Variants in SAAL1 observed in about 807,000 individuals in gnomAD.
The protein encoded by SAAL1 is protein SAAL1.
Under a neutral mutation model 59.8 loss-of-function variants are expected in SAAL1, and 42 were observed. The observed-to-expected ratio is 0.70, with a 90% CI of 0.55 to 0.91. SAAL1 has a LOEUF of 0.91. SAAL1 is among the 40% of genes least tolerant of loss of function. The probability of loss-of-function intolerance (pLI) is 0.00; values close to 1 mark genes in which losing one functional copy is unlikely to be tolerated. For synonymous variants in SAAL1, 191 were observed against 194.3 expected (o/e 0.98, Z 0.14); for missense variants, 542 against 561.1 (o/e 0.97, Z 0.34).
At chr11:18,105,006 T>G (rs1284184623) in intron 1 of SAAL1, among the ~76,000 whole-genome samples, 1 of 152,176 alleles carries the variant, frequency 6.6e-6, no homozygotes, top group Non-Finnish European at 1.5e-5. Context: ...CAGCCTCCTA[T>G]AAGCCAAACA....
chr11:18,089,238 T>A, intron 7 of SAAL1, 92 bp downstream of exon 7: 1 of 1,109,982 alleles, frequency 9.0e-7, no homozygotes, highest in Non-Finnish European at 1.3e-6. Context: ...TACTTTATTC[T>A]GTTGTAAGGA....
chr11:18,090,683 C>T (rs1848515104), intron 4 of SAAL1, 190 bp from the exon 5 acceptor site: 1 of 566,424 alleles, frequency 1.8e-6, no homozygotes, highest in Non-Finnish European at 2.9e-6. Flanking sequence ...CAGAACAGAG[C>T]TGCATCTTTG....
intron 1 of SAAL1, among the ~76,000 whole-genome samples, chr11:18,105,462 C>T (rs1848679177): frequency 6.6e-6 from 1 of 151,892 alleles, no homozygotes; most frequent in Admixed American, 6.6e-5. Flanking sequence ...GGTGAGCCAC[C>T]GCGCCTGGTC....
At chr11:18,081,993 CG>C (rs1848416008) in intron 10 of SAAL1, among the ~76,000 whole-genome samples, 1 of 152,144 alleles carries the variant, frequency 6.6e-6, no homozygotes. Flanking sequence ...CTAAACTGAT[CG>C]TATCACTTGG....
At chr11:18,102,258 A>C (rs571125791) in intron 2 of SAAL1, among the ~76,000 whole-genome samples, 1 of 152,036 alleles carries the variant, frequency 6.6e-6, no homozygotes, top group Non-Finnish European at 1.5e-5. Context: ...AAAAATTCGC[A>C]GGGATTGGTG....
intron 3 of SAAL1, among the ~76,000 whole-genome samples, chr11:18,094,465 T>G (rs955117057): frequency 6.6e-6 from 1 of 152,096 alleles, no homozygotes; most frequent in African/African-American, 2.4e-5. Context: ...CTGTAGAGCG[T>G]GCAAGCAGAG....
chr11:18,088,306 T>C (rs910704642), intron 7 of SAAL1, among the ~76,000 whole-genome samples: 4 of 152,234 alleles, frequency 2.6e-5, no homozygotes, highest in Non-Finnish European at 4.4e-5. Flanking sequence ...GGTTGTTACA[T>C]GCATGATGCT....
At chr11:18,083,829 T>G (rs899522180) in intron 9 of SAAL1, 98 bp from the exon 10 acceptor site, 1 of 671,666 alleles carries the variant, frequency 1.5e-6, no homozygotes, top group Non-Finnish European at 2.4e-6. Flanking sequence ...TTTTGGGTAT[T>G]ACAGATACAC....
chr11:18,081,428 G>A lies in SAAL1; in HGVS notation c.1315C>T (p.Pro439Ser). The A allele has an allele frequency of 6.2e-7, 1 of 1,613,748 alleles. No individual in the cohort carries two copies. The highest frequency in any genetic ancestry group is 1.7e-5 in the Admixed American group (1 of 60,014). Residue 439 changes from proline to serine, a missense_variant, in exon 11 of 12, where the codon CCT (proline) becomes TCT (serine). Coordinates refer to ENST00000524803, the MANE Select transcript of SAAL1 (RefSeq NM_138421.3). ...ATACTCACCACAGGGCTATAGAAAG[G>A]AAGAAGGTTTTGAAATGCAGAGGAA... ...KCSSAFQNLLPFYSPVVEDFI... is the reference protein window; with the variant it reads ...KCSSAFQNLLSFYSPVVEDFI...
chr11:18,101,418 T>C (rs1024841709), intron 2 of SAAL1, among the ~76,000 whole-genome samples: 3 of 152,112 alleles, frequency 2.0e-5, no homozygotes, highest in Non-Finnish European at 4.4e-5. Context: ...TGATAATGAG[T>C]GAGTCTCATG....
At chr11:18,089,564 G>T in intron 6 of SAAL1, 54 bp from the exon 7 acceptor site, 1 of 1,512,458 alleles carries the variant, frequency 6.6e-7, no homozygotes, top group African/African-American at 1.4e-5. Context: ...AAAAGCAATA[G>T]GGTTAAGCAA....
intron 2 of SAAL1, among the ~76,000 whole-genome samples, chr11:18,097,500 T>C (rs901074813): frequency 6.6e-6 from 1 of 152,096 alleles, no homozygotes; most frequent in Admixed American, 6.5e-5. Context: ...TCAAACACAT[T>C]TGGTGATTAC....
At chr11:18,101,797 T>C (rs1848636524) in intron 2 of SAAL1, among the ~76,000 whole-genome samples, 1 of 144,050 alleles carries the variant, frequency 6.9e-6, no homozygotes, top group African/African-American at 2.6e-5. Context: ...GGTATATACA[T>C]ATAATGGAAT....
chr11:18,090,303 C>T lies in SAAL1; in HGVS notation c.474-13G>A, dbSNP rs376252351. ...AGTAAGCAACAACCTACATGGTAAA[C>T]GTGGGTTGAATTTCTACTTTTCAAA... On this transcript the variant is annotated splice_polypyrimidine_tract_variant and intron_variant, in intron 5 of 11. Transcript: ENST00000524803. 2.2e-5 allele frequency: 35 copies of T among 1,568,112 alleles called. No individual in the cohort carries two copies. The highest frequency in any genetic ancestry group is 4.8e-5 in the South Asian group (4 of 83,492).
At chr11:18,080,727 T>C (rs1848400442) in intron 11 of SAAL1, among the ~76,000 whole-genome samples, 1 of 152,220 alleles carries the variant, frequency 6.6e-6, no homozygotes, top group South Asian at 2.1e-4. Flanking sequence ...GCCTCTTCTT[T>C]ACAGTCTGTT....
At chr11:18,089,182 C>T (rs1388685015) in intron 7 of SAAL1, 148 bp downstream of exon 7, 1 of 601,236 alleles carries the variant, frequency 1.7e-6, no homozygotes, top group Non-Finnish European at 2.7e-6. Flanking sequence ...ATACAGGTTG[C>T]ATCACAAATA....
intron 3 of SAAL1, among the ~76,000 whole-genome samples, chr11:18,096,389 G>A (rs1327481157): frequency 6.6e-6 from 1 of 151,982 alleles, no homozygotes; most frequent in Non-Finnish European, 1.5e-5. Flanking sequence ...AGACCAGCCT[G>A]GGCAACATAA....
At chr11:18,096,665 G>A in intron 3 of SAAL1, 106 bp downstream of exon 3, 1 of 701,170 alleles carries the variant, frequency 1.4e-6, no homozygotes, top group Non-Finnish European at 2.6e-6. Flanking sequence ...CTGATTTGTT[G>A]ATTTATGGTC....
intron 3 of SAAL1, among the ~76,000 whole-genome samples, chr11:18,096,051 A>C (rs1848572434): frequency 6.6e-6 from 1 of 152,170 alleles, no homozygotes; most frequent in Non-Finnish European, 1.5e-5. Flanking sequence ...CAGCAGGCTG[A>C]GTTTAGAATG....
Sources: gnomAD v4.1 joint callset for allele counts (sites outside exome capture counted in the v4.1 genomes callset) on GRCh38, gnomAD v4.1.1 for gene constraint, MANE v1.5 for transcripts, NCBI Gene and HGNC (gene_info 2026-07-23, HGNC 2026-07-21) for gene names.